The following LDB3 variants were observed in gnomAD, a reference collection of about 807,000 sequenced individuals.
The protein encoded by LDB3 is LIM domain-binding protein 3.
A neutral mutation model predicts 69.0 loss-of-function variants in LDB3; 49 were observed. The ratio of observed to expected loss-of-function variants is 0.71; its 90% confidence interval spans 0.56 to 0.90. The LOEUF (loss-of-function observed/expected upper bound fraction) is 0.90. LDB3 is among the 40% of genes least tolerant of loss of function. The pLI, the probability that LDB3 is intolerant of heterozygous loss-of-function variation, is 0.00. For missense variants in LDB3, 928 were observed against 974.1 expected, an observed-to-expected ratio of 0.95 and a Z score of 0.63; for synonymous variants, 387 against 396.2, an observed-to-expected ratio of 0.98 and a Z score of 0.28.
chr10:86,682,312 T>C (rs1398182569), intron 5 of LDB3, among the ~76,000 whole-genome samples: 3 of 151,988 alleles, frequency 2.0e-5, no homozygotes, highest in Non-Finnish European at 2.9e-5. Flanking sequence ...CCTTGAATTG[T>C]ATATGGAGAG....
At chr10:86,685,423 G>A (rs1845413577) in intron 5 of LDB3, among the ~76,000 whole-genome samples, 1 of 152,174 alleles carries the variant, frequency 6.6e-6, no homozygotes, top group Non-Finnish European at 1.5e-5. Flanking sequence ...CCTTCTTCTG[G>A]CAAAGCAGAG....
intron 7 of LDB3, 115 bp downstream of exon 7, chr10:86,692,686 G>A: frequency 1.0e-6 from 1 of 983,126 alleles, no homozygotes; most frequent in South Asian, 1.3e-5. Flanking sequence ...GATTTGGAAA[G>A]CCTGGCCTGC....
chr10:86,685,526 C>T, intron 5 of LDB3: 1 of 787,896 alleles, frequency 1.3e-6, no homozygotes, highest in Admixed American at 1.7e-5. Context: ...GCTCTGAGTT[C>T]TCCCTCCTCA....
Position 86,699,380 on chromosome 10 carries a change from T to C in LDB3, c.896+6809T>C. 1 of 1,613,726 alleles carries C rather than the reference T, an allele frequency of 6.2e-7. No individual in the cohort carries two copies. Among genetic ancestry groups the C allele is most frequent in the South Asian group, 1.1e-5 (1 of 91,072 alleles). ...TCCTTAATGTTAAAAGCTAAAAGGC[T>C]GCCTGGAATCCCCCCACCCCAACAG... On this transcript the variant is annotated intron_variant, in intron 7 of 13. Transcript: ENST00000361373. This position sits in a 1 kb window ranked among gnomAD's most constrained non-coding sequence, Gnocchi z 4.9.
chr10:86,729,719 G>A (rs1162121499), intron 13 of LDB3, among the ~76,000 whole-genome samples: 1 of 152,146 alleles, frequency 6.6e-6, no homozygotes, highest in African/African-American at 2.4e-5. Flanking sequence ...CCTTATGAGG[G>A]TTCCCACCCT....
intron 5 of LDB3, among the ~76,000 whole-genome samples, 177 bp from the exon 6 acceptor site, chr10:86,691,719 A>AATCTGAGC (rs1327298624): frequency 1.3e-5 from 2 of 152,078 alleles, no homozygotes; most frequent in African/African-American, 4.8e-5. Context: ...CACTGCGACC[A>AATCTGAGC]ATCTGAGCAC....
intron 7 of LDB3, among the ~76,000 whole-genome samples, chr10:86,705,104 G>A (rs1364105132): frequency 6.6e-6 from 1 of 152,148 alleles, no homozygotes; most frequent in Non-Finnish European, 1.5e-5. Context: ...CCTTTTATTG[G>A]GGAAAGAGTC....
At position 86,716,660 on chromosome 10, in the gene LDB3, C is replaced by A. The variant is rs1846888303; in HGVS notation, c.1565C>A (p.Thr522Asn). Reference protein sequence around the residue: ...QTLPRGGPAYTPAGPQVPPLA... With the variant: ...QTLPRGGPAYNPAGPQVPPLA... ...CTGCCCCGGGGAGGCCCAGCCTACA[C>A]CCCAGCGGGTCCTCAGGTGCCACCA... is the stretch of plus-strand genomic sequence containing the variant. Residue 522 changes from threonine to asparagine, a missense_variant, in exon 10 of 14, where the codon ACC becomes AAC. Coordinates refer to ENST00000361373, the MANE Select transcript of LDB3 (RefSeq NM_007078.3). 9.3e-6 allele frequency: 15 copies of A among 1,614,034 alleles called. No homozygotes were observed. Among genetic ancestry groups the A allele is most frequent in the Non-Finnish European group, 1.3e-5 (15 of 1,180,000 alleles).
At chr10:86,718,288 C>A in intron 11 of LDB3, 144 bp downstream of exon 11, 3 of 783,506 alleles carry the variant, frequency 3.8e-6, no homozygotes, top group Non-Finnish European at 6.6e-6. Flanking sequence ...ATTGGTTTGC[C>A]ACCAATAAAC....
intron 13 of LDB3, 41 bp from the exon 14 acceptor site, chr10:86,732,846 T>C (rs777364077): frequency 6.6e-7 from 1 of 1,512,314 alleles, no homozygotes; most frequent in South Asian, 1.1e-5. Flanking sequence ...GCTCATGCCC[T>C]GTGCCACGTG....
At chr10:86,691,870 GC>G in intron 5 of LDB3, 25 bp from the exon 6 acceptor site, 1 of 1,613,772 alleles carries the variant, frequency 6.2e-7, no homozygotes, top group African/African-American at 1.3e-5. Flanking sequence ...CCTAGCCCTC[GC>G]CCACGGCCTC....
At chr10:86,685,559 G>A in intron 5 of LDB3, 2 of 944,940 alleles carry the variant, frequency 2.1e-6, no homozygotes, top group East Asian at 2.4e-5. Flanking sequence ...CTCACCCATT[G>A]CGGTTTGGGC....
At position 86,699,802 on chromosome 10, in the gene LDB3, G is replaced by A. The variant is rs942454490; in HGVS notation, c.897-6729G>A. 4.8e-6 allele frequency: 5 copies of A among 1,038,928 alleles called. No homozygotes were observed. Among genetic ancestry groups the A allele is most frequent in the Admixed American group, 5.0e-5 (1 of 20,168 alleles). 64.4% of individuals were successfully genotyped at this position (1,038,928 alleles called of 1,614,324 possible). ...ATGAGTCACCCGTAGATCAGGGTCTGGGGAAGAGGCTGATCCCTGGCGCTG... is the reference window on the plus strand; with the variant it reads ...ATGAGTCACCCGTAGATCAGGGTCTAGGGAAGAGGCTGATCCCTGGCGCTG... On this transcript the variant is annotated intron_variant, in intron 7 of 13. Transcript: ENST00000361373. The surrounding 1 kb of genome is among the most constrained non-coding windows in gnomAD (Gnocchi z 4.9).
chr10:86,728,587 T>TTTTTTTTTTG (rs1847347236), intron 13 of LDB3, among the ~76,000 whole-genome samples: 1 of 76,146 alleles, frequency 1.3e-5, no homozygotes, highest in African/African-American at 4.6e-5. Context: ...GGTTCTTTTG[T>TTTTTTTTTTG]TTTTTTTTTT....
In LDB3 at chr10:86,714,218, A is replaced by G. The variant is rs567981679; in HGVS notation, c.1232-2109A>G. On this transcript the variant is annotated intron_variant, in intron 9 of 13. Coordinates refer to ENST00000361373, the MANE Select transcript of LDB3 (RefSeq NM_007078.3). ...GGTTAAGGAACTTGCCCAAGGACAC[A>G]AAACCAGGAGGTAGTAGAGCTGGAT... Among the ~76,000 whole-genome samples, 9 of 152,346 alleles carry G rather than the reference A, an allele frequency of 5.9e-5. No homozygotes were observed. The South Asian group carries it at 1.9e-3, about 32-fold the overall frequency.
chr10:86,718,074 T>C lies in LDB3; in HGVS notation c.1787T>C (p.Val596Ala). 1 of 1,614,116 alleles carries C rather than the reference T, an allele frequency of 6.2e-7. No individual in the cohort carries two copies. Among genetic ancestry groups the C allele is most frequent in the Non-Finnish European group, 8.5e-7 (1 of 1,180,020 alleles). ...TGCTTTGTGGAAGAGCAGAACAACG[T>C]TTACTGTGAGCGATGTTATGAGCAA... is the stretch of plus-strand genomic sequence containing the variant. ...DVCFVEEQNNVYCERCYEQFF... is the reference protein window; with the variant it reads ...DVCFVEEQNNAYCERCYEQFF... Residue 596 changes from valine to alanine, a missense_variant, in exon 11 of 14, where the codon GTT becomes GCT. Val to Ala is a moderately conservative substitution (Grantham distance 64, BLOSUM62 0). Transcript: ENST00000361373.
rs112082622 is a variant in LDB3 at position 86,687,010 on chromosome 10, C to T, written c.690-4886C>T. ...CTTGCCTTGGCCACCCATGTAACCG[C>T]CACCTGTTGCCCTTTTCTCCTCCCT... is the stretch of plus-strand genomic sequence containing the variant. On this transcript the variant is annotated intron_variant, in intron 5 of 13. Coordinates refer to ENST00000361373, the MANE Select transcript of LDB3 (RefSeq NM_007078.3). 1.1e-4 allele frequency: 164 copies of T among 1,543,370 alleles called. No individual in the cohort carries two copies. In the African/African-American group the frequency reaches 1.2e-3, roughly 12 times the overall value.
intron 3 of LDB3, 137 bp from the exon 4 acceptor site, chr10:86,679,945 C>A: frequency 5.1e-6 from 4 of 778,810 alleles, no homozygotes; most frequent in South Asian, 2.9e-5. Flanking sequence ...GACAGTGGAT[C>A]TGGGGCCCTC....
intron 4 of LDB3, 65 bp from the exon 5 acceptor site, chr10:86,681,371 G>A (rs1373955649): frequency 1.3e-5 from 20 of 1,593,902 alleles, no homozygotes; most frequent in East Asian, 6.7e-5. Flanking sequence ...ACGCAGGAGC[G>A]CTGGGACGCG....
Sources: gnomAD v4.1 joint callset for allele counts (sites outside exome capture counted in the v4.1 genomes callset) on GRCh38, gnomAD v4.1.1 for gene constraint, Gnocchi (gnomAD v3.1) non-coding constraint, MANE v1.5 for transcripts, NCBI Gene and HGNC (gene_info 2026-07-23, HGNC 2026-07-21) for gene names.